Variants in PCMTD1 observed in about 807,000 individuals in gnomAD.
The protein encoded by PCMTD1 is protein-L-isoaspartate O-methyltransferase domain-containing protein 1.
A neutral mutation model predicts 37.6 loss-of-function variants in PCMTD1; 12 were observed. That is an observed-to-expected ratio of 0.32 (90% confidence interval 0.20 to 0.52). PCMTD1 has a LOEUF of 0.52. PCMTD1 is among the 20% of genes least tolerant of loss of function. The pLI, the probability that PCMTD1 is intolerant of heterozygous loss-of-function variation, is 0.97. For synonymous variants in PCMTD1, 117 were observed against 135.8 expected (o/e 0.86, Z 0.96); for missense variants, 235 against 421.3 (o/e 0.56, Z 3.87).
intron 1 of PCMTD1, among the ~76,000 whole-genome samples, chr8:51,885,817 G>A (rs1400480778): frequency 3.6e-5 from 1 of 27,912 alleles, no homozygotes; most frequent in Admixed American, 1.1e-3. Context: ...TGTCTCTACA[G>A]GGGCATACGT....
intron 1 of PCMTD1, among the ~76,000 whole-genome samples, chr8:51,887,844 C>T (rs997223821): frequency 8.6e-4 from 130 of 150,918 alleles, no homozygotes; most frequent in African/African-American, 2.9e-3. Flanking sequence ...CGGGTTCAAG[C>T]GATTCTCCTG....
chr8:51,854,066 G>C (rs897993915), intron 2 of PCMTD1, among the ~76,000 whole-genome samples: 1 of 152,176 alleles, frequency 6.6e-6, no homozygotes, highest in Non-Finnish European at 1.5e-5. Context: ...TTGGGAAACA[G>C]TTAATCACAA....
At chr8:51,892,947 T>C (rs1267135935) in intron 1 of PCMTD1, among the ~76,000 whole-genome samples, 1 of 152,264 alleles carries the variant, frequency 6.6e-6, no homozygotes, top group Non-Finnish European at 1.5e-5. Flanking sequence ...TTTCAGTTTA[T>C]ATATTTTTTG....
intron 1 of PCMTD1, among the ~76,000 whole-genome samples, chr8:51,862,098 A>T (rs1345272644): frequency 6.6e-6 from 1 of 152,182 alleles, no homozygotes; most frequent in East Asian, 1.9e-4. Flanking sequence ...GATTAATTTT[A>T]AAAATTAGTT....
intron 1 of PCMTD1, among the ~76,000 whole-genome samples, chr8:51,892,974 C>CA (rs1477921381): frequency 6.6e-6 from 1 of 152,096 alleles, no homozygotes; most frequent in African/African-American, 2.4e-5. Context: ...TTAAAATTTG[C>CA]AACATGTGAT....
Position 51,861,086 on chromosome 8 carries a change from C to T in PCMTD1, c.66G>A (p.Gln22=). The T allele has an allele frequency of 6.2e-7, 1 of 1,614,132 alleles. No homozygotes were observed. The highest frequency in any genetic ancestry group is 8.5e-7 in the Non-Finnish European group (1 of 1,180,018). Reference sequence around the variant, plus strand: ...GCTCCACTCTTTCAGTACGAATATACTGAGCTTCTTTTAAATTATCAATTA... The same window carrying T: ...GCTCCACTCTTTCAGTACGAATATATTGAGCTTCTTTTAAATTATCAATTA... ...DDLIDNLKEA[Q]YIRTERVEQA... Residue 22 remains glutamine (Q), a synonymous_variant, in exon 2 of 6, where the codon CAG becomes CAA. Coordinates refer to ENST00000522514, the MANE Select transcript of PCMTD1 (RefSeq NM_052937.4).
At chr8:51,827,017 T>G (rs1413386027) in intron 5 of PCMTD1, 2 of 963,854 alleles carry the variant, frequency 2.1e-6, no homozygotes, top group Non-Finnish European at 2.5e-6. Flanking sequence ...TTTTTGGGAT[T>G]TTTGGAGTCG....
At chr8:51,864,856 T>C (rs975379527) in intron 1 of PCMTD1, among the ~76,000 whole-genome samples, 1 of 151,536 alleles carries the variant, frequency 6.6e-6, no homozygotes, top group Non-Finnish European at 1.5e-5. Flanking sequence ...AGAACAGAAA[T>C]AGATAAAATA....
chr8:51,886,143 A>C (rs2038861717), intron 1 of PCMTD1, among the ~76,000 whole-genome samples: 2 of 152,182 alleles, frequency 1.3e-5, no homozygotes, highest in South Asian at 4.1e-4. Flanking sequence ...ATAGCTGTTA[A>C]TTTCGTCCCT....
chr8:51,875,940 TTGTGTGTGTG>T (rs71237255), intron 1 of PCMTD1, among the ~76,000 whole-genome samples: 4 of 151,224 alleles, frequency 2.6e-5, no homozygotes, highest in Admixed American at 6.6e-5. Context: ...AAAAATGTGT[TTGTGTGTGTG>T]TGTGTGTGTG....
At chr8:51,895,769 A>G (rs1010972358) in intron 1 of PCMTD1, among the ~76,000 whole-genome samples, 2 of 152,164 alleles carry the variant, frequency 1.3e-5, no homozygotes, top group African/African-American at 4.8e-5. Flanking sequence ...ATCCAATGTT[A>G]CGTTGACCGA....
intron 1 of PCMTD1, among the ~76,000 whole-genome samples, chr8:51,893,071 T>G (rs2038957754): frequency 6.6e-6 from 1 of 152,232 alleles, no homozygotes; most frequent in African/African-American, 2.4e-5. Flanking sequence ...TACTTTAATA[T>G]TTTATAAAGC....
intron 1 of PCMTD1, among the ~76,000 whole-genome samples, chr8:51,897,375 CT>C (rs956164143): frequency 2.6e-5 from 4 of 151,560 alleles, no homozygotes; most frequent in African/African-American, 4.8e-5. Flanking sequence ...ATCCCTGTTG[CT>C]TTTTTTTTCT....
chr8:51,884,034 G>A (rs1242582008), intron 1 of PCMTD1, among the ~76,000 whole-genome samples: 3 of 152,124 alleles, frequency 2.0e-5, no homozygotes, highest in Non-Finnish European at 4.4e-5. Context: ...AGAATTTGTG[G>A]CTCCGTGTCT....
intron 1 of PCMTD1, among the ~76,000 whole-genome samples, chr8:51,874,130 C>T (rs116655711): frequency 0.056 from 8,506 of 152,100 alleles, 268 homozygotes; most frequent in African/African-American, 0.087. Context: ...GATCTCCTCA[C>T]CTCCTGATCC....
intron 1 of PCMTD1, among the ~76,000 whole-genome samples, chr8:51,869,691 C>T (rs1441652744): frequency 1.3e-5 from 2 of 151,562 alleles, no homozygotes; most frequent in African/African-American, 2.4e-5. Context: ...GAGAGAAAGA[C>T]GAAAAAGGTA....
intron 5 of PCMTD1, among the ~76,000 whole-genome samples, chr8:51,826,582 A>G (rs2037924405): frequency 6.6e-6 from 1 of 152,210 alleles, no homozygotes; most frequent in African/African-American, 2.4e-5. Context: ...CACACACATT[A>G]GGCTCCATTT....
chr8:51,829,972 G>A (rs1487911723), intron 5 of PCMTD1, among the ~76,000 whole-genome samples: 3 of 152,032 alleles, frequency 2.0e-5, no homozygotes, highest in African/African-American at 4.8e-5. Context: ...TTTACCTCAT[G>A]GTTAAAAAAA....
At chr8:51,881,329 T>C (rs2038788625) in intron 1 of PCMTD1, among the ~76,000 whole-genome samples, 1 of 152,208 alleles carries the variant, frequency 6.6e-6, no homozygotes, top group Non-Finnish European at 1.5e-5. Flanking sequence ...CTCTTGTGTT[T>C]ATTTACCTCT....
Sources: allele counts gnomAD v4.1 joint callset (sites outside exome capture counted in the v4.1 genomes callset), GRCh38; gene constraint gnomAD v4.1.1; transcripts MANE v1.5; gene names NCBI Gene and HGNC (gene_info 2026-07-23, HGNC 2026-07-21).